API5: variants seen among roughly 807,000 people sequenced by gnomAD.
The protein encoded by API5 is FIF.
API5 carries 6 observed loss-of-function variants against 71.9 expected under a neutral mutation model. The ratio of observed to expected loss-of-function variants is 0.08; its 90% CI spans 0.05 to 0.16. The LOEUF is 0.16. Among genes scored for constraint, API5 ranks in the 10% least tolerant of loss-of-function variants. API5 has a pLI of 1.00. For missense variants in API5, 332 were observed against 612.8 expected, an observed-to-expected ratio of 0.54 and a Z score of 4.84; for synonymous variants, 189 against 221.3, an observed-to-expected ratio of 0.85 and a Z score of 1.30.
intron 6 of API5, among the ~76,000 whole-genome samples, chr11:43,324,973 C>G (rs1316808677): frequency 6.6e-6 from 1 of 152,156 alleles, no homozygotes; most frequent in Non-Finnish European, 1.5e-5. Context: ...GCCACCATGC[C>G]TGGCCATGCC....
chr11:43,333,956 T>C lies in API5; in HGVS notation c.1279-1322T>C, dbSNP rs149094089. On this transcript the variant is annotated intron_variant, in intron 11 of 13. Transcript: ENST00000531273. The stretch of plus-strand genomic sequence containing the variant: ...TCACTTCATTCTCGAGGATTCAACA[T>C]AGTAAATTCAAGTTTTGCTTTTTTA... Among the ~76,000 whole-genome samples, 369 of 152,342 alleles carry C rather than the reference T, an allele frequency of 2.4e-3. 1 individual carries two copies. Among genetic ancestry groups the C allele is most frequent in the Non-Finnish European group, 3.1e-3 (210 of 68,038 alleles).
intron 3 of API5, 27 bp downstream of exon 3, chr11:43,320,941 C>G: frequency 1.2e-5 from 19 of 1,539,944 alleles, no homozygotes; most frequent in Non-Finnish European, 1.5e-5. Context: ...TTACCTTTTT[C>G]TCTAAATATA....
rs5743257 is a variant in API5, at chr11:43,343,725, T to C, written c.*1215T>C. The stretch of plus-strand genomic sequence containing the variant: ...GATGGGGGGTTTGTGGAGTGTTTAA[T>C]GTCATGGGCATTTTTAGTAGGATAG... On this transcript the variant is annotated 3_prime_UTR_variant, in exon 14 of 14. Transcript: ENST00000531273. 0.057 allele frequency: 8,662 copies of C among 152,726 alleles called. 288 individuals are homozygous for C. The highest frequency in any genetic ancestry group is 0.095 in the African/African-American group (3,952 of 41,564). 9.5% of individuals were successfully genotyped at this position (152,726 alleles called of 1,614,324 possible). A position where few individuals can be genotyped will look rare whatever the true frequency, so the allele number is the denominator to read the frequency against.
chr11:43,342,529 T>C lies in API5; in HGVS notation c.*19T>C. The C allele has an allele frequency of 6.2e-6, 10 of 1,612,120 alleles. No individual in the cohort carries two copies. Among genetic ancestry groups the C allele is most frequent in the Non-Finnish European group, 8.5e-6 (10 of 1,178,232 alleles). On this transcript the variant is annotated 3_prime_UTR_variant, in exon 14 of 14. Coordinates refer to ENST00000531273, the MANE Select transcript of API5 (RefSeq NM_001142930.2). ...CTACTGAATAAGACATCAGCATTCTTCAGCATTGTCATGAGCTTAATATAC... is the reference window on the plus strand; with the variant it reads ...CTACTGAATAAGACATCAGCATTCTCCAGCATTGTCATGAGCTTAATATAC...
In API5 at chr11:43,312,069, G is replaced by A. The variant is rs1338869816; in HGVS notation, c.-59G>A. The A allele has an allele frequency of 1.9e-6, 3 of 1,591,714 alleles. No homozygotes were observed. Among genetic ancestry groups the A allele is most frequent in the Non-Finnish European group, 2.6e-6 (3 of 1,163,044 alleles). ...AGTGGGTTTGGAGAAGTTCCGAGGC[G>A]GCGGTGGCGCCGGTCAGGACAAGGA... is the stretch of plus-strand genomic sequence containing the variant. On this transcript the variant is annotated 5_prime_UTR_variant, in exon 1 of 14. Transcript: ENST00000531273.
chr11:43,316,147 A>G (rs1294744353), intron 1 of API5, among the ~76,000 whole-genome samples: 2 of 152,120 alleles, frequency 1.3e-5, no homozygotes, highest in African/African-American at 4.8e-5. Context: ...TGATTAAGCT[A>G]AAACCACTGA....
intron 1 of API5, among the ~76,000 whole-genome samples, chr11:43,315,566 T>TACAC (rs1173179156): frequency 6.6e-6 from 1 of 152,150 alleles, no homozygotes; most frequent in Non-Finnish European, 1.5e-5. Flanking sequence ...AACTTTATCA[T>TACAC]ACACACACAC....
chr11:43,328,490 A>G (rs1855147239), intron 8 of API5, among the ~76,000 whole-genome samples: 1 of 152,188 alleles, frequency 6.6e-6, no homozygotes, highest in Admixed American at 6.5e-5. Context: ...ATTAATCTTC[A>G]TTATTAATAA....
intron 11 of API5, among the ~76,000 whole-genome samples, chr11:43,332,644 T>G (rs544520244): frequency 1.3e-5 from 2 of 152,192 alleles, no homozygotes; most frequent in African/African-American, 4.8e-5. Flanking sequence ...CGTGGGTGTG[T>G]TCTTGTTCAT....
At chr11:43,341,887 A>G (rs1855628214) in intron 13 of API5, among the ~76,000 whole-genome samples, 1 of 152,080 alleles carries the variant, frequency 6.6e-6, no homozygotes, top group Non-Finnish European at 1.5e-5. Flanking sequence ...GGCTGGGCAC[A>G]GTGGCTCACA....
intron 13 of API5, among the ~76,000 whole-genome samples, chr11:43,341,984 C>CA (rs532416293): frequency 1.8e-3 from 244 of 136,958 alleles, no homozygotes; most frequent in Middle Eastern, 3.7e-3. Flanking sequence ...CCTGTCTCTA[C>CA]AAAAAAAAAA....
At chr11:43,336,730 C>G (rs61883514) in intron 13 of API5, among the ~76,000 whole-genome samples, 1 of 151,830 alleles carries the variant, frequency 6.6e-6, no homozygotes, top group African/African-American at 2.4e-5. Flanking sequence ...AAGTTTAGGC[C>G]GGGGGCAGTG....
At chr11:43,325,951 T>A (rs1292855948) in intron 6 of API5, among the ~76,000 whole-genome samples, 1 of 152,168 alleles carries the variant, frequency 6.6e-6, no homozygotes, top group Non-Finnish European at 1.5e-5. Context: ...GGAAAACGCC[T>A]AGGAAAGCAT....
At chr11:43,322,667 G>A (rs925415032) in intron 5 of API5, among the ~76,000 whole-genome samples, 6 of 152,098 alleles carry the variant, frequency 3.9e-5, no homozygotes, top group African/African-American at 1.4e-4. Context: ...CAAAGTTTGG[G>A]AATAGTTTAC....
Position 43,312,010 on chromosome 11 carries a change from C to A in API5, c.-118C>A. The A allele has an allele frequency of 8.7e-7, 1 of 1,151,968 alleles. No individual in the cohort carries two copies. Among genetic ancestry groups the A allele is most frequent in the Non-Finnish European group, 1.2e-6 (1 of 803,500 alleles). 71.4% of individuals were successfully genotyped at this position (1,151,968 alleles called of 1,614,324 possible). On this transcript the variant is annotated 5_prime_UTR_variant, in exon 1 of 14. Transcript: ENST00000531273. Reference sequence around the variant, plus strand: ...CGCTGTGCGCGGTGACTGGCGGCTGCACTGGCGGCAGCTGGAGGTGTAATA... The same window carrying A: ...CGCTGTGCGCGGTGACTGGCGGCTGAACTGGCGGCAGCTGGAGGTGTAATA...
intron 1 of API5, 42 bp downstream of exon 1, chr11:43,312,238 G>A: frequency 6.3e-6 from 10 of 1,595,090 alleles, no homozygotes; most frequent in Non-Finnish European, 7.7e-6. Context: ...CTGGCGCTCC[G>A]CGGCCTTTCG....
At chr11:43,332,623 C>A (rs1855294963) in intron 11 of API5, among the ~76,000 whole-genome samples, 1 of 152,060 alleles carries the variant, frequency 6.6e-6, no homozygotes, top group African/African-American at 2.4e-5. Flanking sequence ...GGGTGTACTA[C>A]TCTCCCAGCA....
At chr11:43,326,842 CT>C (rs1855093902) in intron 7 of API5, among the ~76,000 whole-genome samples, 1 of 152,164 alleles carries the variant, frequency 6.6e-6, no homozygotes, top group Non-Finnish European at 1.5e-5. Flanking sequence ...TCAGTCTCTA[CT>C]TTTGTAGCCT....
chr11:43,338,397 C>A (rs1855503591), intron 13 of API5, among the ~76,000 whole-genome samples: 1 of 152,032 alleles, frequency 6.6e-6, no homozygotes. Flanking sequence ...TTCCAGTGCA[C>A]AAAGTTTCCC....
Sources: gnomAD v4.1 joint callset for allele counts (sites outside exome capture counted in the v4.1 genomes callset) on GRCh38, gnomAD v4.1.1 for gene constraint, MANE v1.5 for transcripts, NCBI Gene and HGNC (gene_info 2026-07-23, HGNC 2026-07-21) for gene names.